The following ACTG2 variants were observed in gnomAD, a reference collection of about 807,000 sequenced individuals.
ACTG2 encodes actin gamma 2, smooth muscle, also known as actin, gamma-enteric smooth muscle.
Under a neutral mutation model 37.6 loss-of-function variants are expected in ACTG2, and 16 were observed. The observed-to-expected ratio is 0.43, with a 90% CI of 0.29 to 0.65. The LOEUF (loss-of-function observed/expected upper bound fraction) is 0.65. ACTG2 is among the 30% of genes least tolerant of loss of function. ACTG2 has a pLI of 0.18. For synonymous variants in ACTG2, 181 were observed against 179.9 expected, an observed-to-expected ratio of 1.01 and a Z score of -0.05; for missense variants, 238 against 490.9, an observed-to-expected ratio of 0.48 and a Z score of 4.87.
chr2:73,894,486 C>A (rs1286088777), intron 1 of ACTG2, among the ~76,000 whole-genome samples: 2 of 152,218 alleles, frequency 1.3e-5, no homozygotes, highest in Non-Finnish European at 2.9e-5. Context: ...CCTCTTTCCC[C>A]TTGTTCATTC....
At chr2:73,908,201 A>G in intron 3 of ACTG2, 1 of 456,882 alleles carries the variant, frequency 2.2e-6, no homozygotes, top group East Asian at 7.0e-5. Flanking sequence ...GCTCTGAAAG[A>G]GGGGCTGCCC....
intron 8 of ACTG2, 131 bp from the exon 9 acceptor site, chr2:73,919,300 TA>T: frequency 1.8e-6 from 2 of 1,093,750 alleles, no homozygotes; most frequent in Non-Finnish European, 2.6e-6. Context: ...AGCAATAATC[TA>T]ATCTATCACA....
chr2:73,908,274 C>G lies in ACTG2; in HGVS notation c.256-399C>G, dbSNP rs1475327041. 8.5e-6 allele frequency: 4 copies of G among 471,458 alleles called. No individual in the cohort carries two copies. The Admixed American group carries it at 9.4e-5, about 11-fold the overall frequency. The allele number at this position is 471,458 out of a possible 1,614,324, so 29.2% of individuals were successfully genotyped here. A position where few individuals can be genotyped will look rare whatever the true frequency, so the allele number is the denominator to read the frequency against. On this transcript the variant is annotated intron_variant, in intron 3 of 8. Transcript: ENST00000345517. ...AGGAGATAGACCCTGACTTCTTTTG[C>G]CCTCCTACTTTCCAGCCTCTTGCAG...
intron 6 of ACTG2, 86 bp from the exon 7 acceptor site, chr2:73,914,594 A>G: frequency 1.2e-6 from 1 of 865,692 alleles, no homozygotes; most frequent in Non-Finnish European, 1.7e-6. Context: ...AGTAGATGTG[A>G]GAAGGAGGTT....
At chr2:73,909,605 G>T (rs900427065) in intron 5 of ACTG2, among the ~76,000 whole-genome samples, 2 of 152,186 alleles carry the variant, frequency 1.3e-5, no homozygotes, top group Non-Finnish European at 2.9e-5. Context: ...GCTGTATGGC[G>T]TGGCCTATTG....
chr2:73,916,881 A>G lies in ACTG2; in HGVS notation c.987+116A>G, dbSNP rs79583889. ...AACTTGCTGGTCTCCTGGGTTCAATATCATCCTGGACTGGAGCCAATTTTA... is the reference window on the plus strand; with the variant it reads ...AACTTGCTGGTCTCCTGGGTTCAATGTCATCCTGGACTGGAGCCAATTTTA... On this transcript the variant is annotated intron_variant, in intron 8 of 8. Transcript: ENST00000345517. 1.3e-3 allele frequency: 1,592 copies of G among 1,273,454 alleles called. 25 individuals are homozygous for G. In the East Asian group the frequency reaches 0.032, roughly 26 times the overall value. 78.9% of individuals were successfully genotyped at this position (1,273,454 alleles called of 1,614,324 possible).
intron 1 of ACTG2, among the ~76,000 whole-genome samples, chr2:73,896,125 G>A (rs1679742198): frequency 6.6e-6 from 1 of 152,174 alleles, no homozygotes; most frequent in African/African-American, 2.4e-5. Context: ...CTGGAGGCCA[G>A]GAGTTTGAGA....
intron 2 of ACTG2, chr2:73,901,749 A>G: frequency 2.8e-6 from 1 of 357,432 alleles, no homozygotes; most frequent in Non-Finnish European, 4.9e-6. Flanking sequence ...TGTCTGGCTT[A>G]CATTTGGGGG....
At chr2:73,901,170 G>C in intron 1 of ACTG2, 106 bp from the exon 2 acceptor site, 1 of 927,572 alleles carries the variant, frequency 1.1e-6, no homozygotes, top group South Asian at 2.1e-5. Flanking sequence ...GTCCCTCCTG[G>C]AAGTGTGCCC....
chr2:73,896,053 G>A (rs1679740758), intron 1 of ACTG2, among the ~76,000 whole-genome samples: 4 of 152,152 alleles, frequency 2.6e-5, no homozygotes, highest in Non-Finnish European at 5.9e-5. Context: ...GAAAATGTAG[G>A]GCCGGGTGCA....
intron 5 of ACTG2, among the ~76,000 whole-genome samples, chr2:73,912,955 G>A (rs1369172584): frequency 6.6e-6 from 1 of 152,160 alleles, no homozygotes; most frequent in Non-Finnish European, 1.5e-5. Flanking sequence ...ATTGCCTGAG[G>A]TCAGGAGTTC....
intron 1 of ACTG2, chr2:73,896,930 T>C (rs1158114498): frequency 1.3e-5 from 2 of 152,318 alleles, no homozygotes; most frequent in African/African-American, 4.8e-5. Context: ...AGCCACAAAT[T>C]ACCAGAAAGC....
At position 73,914,854 on chromosome 2, in the gene ACTG2, T is replaced by G. The variant is rs1680225642; in HGVS notation, c.788T>G (p.Phe263Cys). ...CGCTTCCGCTGCCCTGAGACCCTCT[T>G]CCAGCCTTCCTTTATTGGTGAGGTG... ...NERFRCPETLFQPSFIGMESA... is the reference protein window; with the variant it reads ...NERFRCPETLCQPSFIGMESA... The change falls in exon 7 of 9, where the codon TTC becomes TGC. Residue 263 changes from phenylalanine to cysteine, a missense_variant. Coordinates refer to ENST00000345517, the MANE Select transcript of ACTG2 (RefSeq NM_001615.4). 1 of 1,588,146 alleles carries G rather than the reference T, an allele frequency of 6.3e-7. No homozygotes were observed. The highest frequency in any genetic ancestry group is 8.6e-7 in the Non-Finnish European group (1 of 1,162,458).
chr2:73,911,543 T>C (rs1411567718), intron 5 of ACTG2, among the ~76,000 whole-genome samples: 1 of 152,048 alleles, frequency 6.6e-6, no homozygotes, highest in Non-Finnish European at 1.5e-5. Context: ...ACTAGTACCA[T>C]AGTTGTTTAT....
intron 8 of ACTG2, 90 bp from the exon 9 acceptor site, chr2:73,919,342 G>T: frequency 2.1e-6 from 3 of 1,446,894 alleles, no homozygotes; most frequent in Non-Finnish European, 1.9e-6. Flanking sequence ...TGACCATGGG[G>T]CTCCCCTTTT....
intron 1 of ACTG2, among the ~76,000 whole-genome samples, chr2:73,898,752 C>CTAAACACAGA (rs1679806662): frequency 6.6e-6 from 1 of 151,746 alleles, no homozygotes; most frequent in Non-Finnish European, 1.5e-5. Context: ...ACACCAAGTC[C>CTAAACACAGA]TGCTCACAGA....
Position 73,919,640 on chromosome 2 carries a change from A to AT in ACTG2, c.*65_*66insT. 6.4e-7 allele frequency: 1 copy of AT among 1,556,868 alleles called. No homozygotes were observed. Among genetic ancestry groups the AT allele is most frequent in the South Asian group, 1.2e-5 (1 of 84,048 alleles). ...CTGTTACCAGTCATGAAACATTAAA[A>AT]CCTACAAGCCTTACTTCTCTGTGTG... On this transcript the variant is annotated 3_prime_UTR_variant, in exon 9 of 9. Transcript: ENST00000345517.
In ACTG2 at chr2:73,909,143, A is replaced by G. The variant is rs532039541; in HGVS notation, c.451+4A>G. 1.2e-5 allele frequency: 19 copies of G among 1,609,288 alleles called. No individual in the cohort carries two copies. The highest frequency in any genetic ancestry group is 1.6e-5 in the Non-Finnish European group (19 of 1,175,540). On this transcript the variant is annotated splice_donor_region_variant and intron_variant, in intron 5 of 8. Transcript: ENST00000345517. Reference sequence around the variant, plus strand: ...TATGCCTCTGGCCGCACGACAGGTGAGTAATCCTGTAATCCATTCCTTTTC... The same window carrying G: ...TATGCCTCTGGCCGCACGACAGGTGGGTAATCCTGTAATCCATTCCTTTTC...
At chr2:73,912,017 C>G (rs1180901278) in intron 5 of ACTG2, among the ~76,000 whole-genome samples, 1 of 152,204 alleles carries the variant, frequency 6.6e-6, no homozygotes, top group Non-Finnish European at 1.5e-5. Flanking sequence ...ACAAATAAGA[C>G]AGACTTTGTC....
Sources: gnomAD v4.1 joint callset for allele counts (sites outside exome capture counted in the v4.1 genomes callset) on GRCh38, gnomAD v4.1.1 for gene constraint, MANE v1.5 for transcripts, NCBI Gene and HGNC (gene_info 2026-07-23, HGNC 2026-07-21) for gene names.